FNDC3A: variants seen among roughly 807,000 people sequenced by gnomAD.
FNDC3A encodes fibronectin type III domain containing 3A.
Under a neutral mutation model 148.9 loss-of-function variants are expected in FNDC3A, and 32 were observed. That is an observed-to-expected ratio of 0.21 (90% CI 0.16 to 0.29). The LOEUF is 0.29. FNDC3A is among the 10% of genes least tolerant of loss of function. The pLI, the probability that FNDC3A is intolerant of heterozygous loss-of-function variation, is 1.00. For synonymous variants in FNDC3A, 472 were observed against 473.6 expected, an observed-to-expected ratio of 1.00 and a Z score of 0.04; for missense variants, 1,191 against 1,452.8, an observed-to-expected ratio of 0.82 and a Z score of 2.93.
At chr13:49,191,451 A>G in intron 19 of FNDC3A, 67 bp downstream of exon 19, 1 of 1,312,986 alleles carries the variant, frequency 7.6e-7, no homozygotes, top group South Asian at 1.7e-5. Flanking sequence ...AACATATATC[A>G]TCATATCCAT....
intron 1 of FNDC3A, among the ~76,000 whole-genome samples, chr13:48,984,723 T>C (rs748943263): frequency 5.9e-5 from 9 of 152,168 alleles, no homozygotes; most frequent in Non-Finnish European, 1.2e-4. Flanking sequence ...TCTCGCTCTG[T>C]CACCAGGCTG....
chr13:49,161,933 C>G (rs1045375905), intron 8 of FNDC3A, among the ~76,000 whole-genome samples: 2 of 152,168 alleles, frequency 1.3e-5, no homozygotes, highest in Non-Finnish European at 2.9e-5. Flanking sequence ...TGAATATTGG[C>G]CCCCACTCTC....
intron 4 of FNDC3A, among the ~76,000 whole-genome samples, chr13:49,119,929 C>G (rs1026506840): frequency 1.3e-5 from 2 of 152,078 alleles, no homozygotes; most frequent in South Asian, 4.1e-4. Context: ...GGATATTATC[C>G]AGGAGAACTT....
intron 17 of FNDC3A, among the ~76,000 whole-genome samples, chr13:49,189,442 C>T (rs962353727): frequency 1.3e-5 from 2 of 151,710 alleles, no homozygotes; most frequent in African/African-American, 2.4e-5. Flanking sequence ...CAGCCTCCCA[C>T]AGTGCTGGGA....
chr13:49,184,891 T>G (rs1885488053), intron 14 of FNDC3A, among the ~76,000 whole-genome samples: 1 of 147,758 alleles, frequency 6.8e-6, no homozygotes, highest in Non-Finnish European at 1.5e-5. Context: ...GGCTTAGAAA[T>G]GTAAAGGGGC....
At chr13:49,197,046 TATA>T in intron 20 of FNDC3A, 56 bp downstream of exon 20, 1 of 1,023,672 alleles carries the variant, frequency 9.8e-7, no homozygotes, top group Non-Finnish European at 1.5e-6. Flanking sequence ...GAATAGTTTA[TATA>T]AAAGAATAAA....
At position 49,209,529 on chromosome 13, in the gene FNDC3A, A is replaced by AT; in HGVS notation, c.*2135dup. The AT allele has an allele frequency of 6.5e-6, 1 of 152,794 alleles. No individual in the cohort carries two copies. The highest frequency in any genetic ancestry group is 2.1e-4 in the South Asian group (1 of 4,830). The allele number at this position is 152,794 out of a possible 1,614,324, so 9.5% of individuals were successfully genotyped here. On this transcript the variant is annotated 3_prime_UTR_variant, in exon 26 of 26. Coordinates refer to ENST00000492622, the MANE Select transcript of FNDC3A (RefSeq NM_001079673.2). ...AATGAAAAAAATCTCATAAAAATAC[A>AT]TAAACTATGTAGCAAAAGTATCTGT...
At chr13:49,113,597 A>G (rs1179783734) in intron 3 of FNDC3A, among the ~76,000 whole-genome samples, 1 of 152,182 alleles carries the variant, frequency 6.6e-6, no homozygotes, top group African/African-American at 2.4e-5. Context: ...GCTGAGAGCC[A>G]TTATATAATG....
chr13:49,010,605 A>ATATATATATATAT (rs1296094723), intron 2 of FNDC3A, among the ~76,000 whole-genome samples: 1 of 152,230 alleles, frequency 6.6e-6, no homozygotes, highest in Non-Finnish European at 1.5e-5. Flanking sequence ...CATGAAGTAT[A>ATATATATATATAT]ACATATATTT....
At chr13:49,142,189 G>C (rs1390052835) in intron 7 of FNDC3A, among the ~76,000 whole-genome samples, 1 of 152,230 alleles carries the variant, frequency 6.6e-6, no homozygotes, top group East Asian at 1.9e-4. Flanking sequence ...CCTGAGGCAC[G>C]CTAAAGAATA....
chr13:49,039,174 A>G (rs1874730981), intron 2 of FNDC3A, among the ~76,000 whole-genome samples: 1 of 152,216 alleles, frequency 6.6e-6, no homozygotes, highest in African/African-American at 2.4e-5. Context: ...GGAATTGTGT[A>G]TTACCATTGG....
chr13:48,990,720 C>T (rs150025402), intron 1 of FNDC3A, among the ~76,000 whole-genome samples: 1 of 151,950 alleles, frequency 6.6e-6, no homozygotes, highest in African/African-American at 2.4e-5. Context: ...TGAGATCACA[C>T]CACTGCATTC....
At chr13:49,085,121 C>T (rs1438022516) in intron 3 of FNDC3A, among the ~76,000 whole-genome samples, 2 of 152,140 alleles carry the variant, frequency 1.3e-5, no homozygotes, top group South Asian at 2.1e-4. Context: ...GCTGTGGGAT[C>T]GTGATGATTA....
chr13:49,005,076 A>G (rs938969852), intron 1 of FNDC3A, among the ~76,000 whole-genome samples: 3 of 151,908 alleles, frequency 2.0e-5, no homozygotes, highest in African/African-American at 7.2e-5. Flanking sequence ...AAAATGGCTC[A>G]TTTTACATTA....
At chr13:48,997,343 T>C (rs1292634863) in intron 1 of FNDC3A, among the ~76,000 whole-genome samples, 1 of 152,164 alleles carries the variant, frequency 6.6e-6, no homozygotes, top group African/African-American at 2.4e-5. Context: ...GGAAGAAAAC[T>C]AGCAGAATAC....
At chr13:49,077,991 AGT>A (rs1231219918) in intron 3 of FNDC3A, among the ~76,000 whole-genome samples, 1 of 152,172 alleles carries the variant, frequency 6.6e-6, no homozygotes, top group Non-Finnish European at 1.5e-5. Flanking sequence ...TACTTCATAG[AGT>A]GTAAGTTTCT....
intron 10 of FNDC3A, among the ~76,000 whole-genome samples, chr13:49,169,332 C>A (rs1209604034): frequency 6.6e-6 from 1 of 152,188 alleles, no homozygotes; most frequent in Non-Finnish European, 1.5e-5. Flanking sequence ...AAATTAAATG[C>A]AGTCTTTCCC....
intron 5 of FNDC3A, among the ~76,000 whole-genome samples, chr13:49,132,067 T>C (rs1165647709): frequency 6.6e-6 from 1 of 152,212 alleles, no homozygotes; most frequent in Admixed American, 6.5e-5. Flanking sequence ...CTTAGTTTGC[T>C]CAAATGAAAG....
At chr13:49,017,308 T>TG (rs1872882993) in intron 2 of FNDC3A, among the ~76,000 whole-genome samples, 1 of 152,224 alleles carries the variant, frequency 6.6e-6, no homozygotes, top group Non-Finnish European at 1.5e-5. Context: ...CACATATATT[T>TG]AGGATAGTTA....
Sources: allele counts gnomAD v4.1 joint callset (sites outside exome capture counted in the v4.1 genomes callset), GRCh38; gene constraint gnomAD v4.1.1; transcripts MANE v1.5; gene names NCBI Gene and HGNC (gene_info 2026-07-23, HGNC 2026-07-21).